THBS4: variants seen among roughly 807,000 people sequenced by gnomAD.
THBS4 encodes thrombospondin-4.
THBS4 carries 90 observed loss-of-function variants against 115.7 expected under a neutral mutation model. The observed-to-expected ratio is 0.78, with a 90% CI of 0.66 to 0.93. THBS4 has a LOEUF of 0.93. Among genes scored for constraint, THBS4 ranks in the 40% least tolerant of loss-of-function variants. The pLI is 0.00. For missense variants in THBS4, 1,087 were observed against 1,232.7 expected (o/e 0.88, Z 1.77); for synonymous variants, 460 against 479.3 (o/e 0.96, Z 0.53).
chr5:80,037,488 T>C (rs1561302333), intron 1 of THBS4, among the ~76,000 whole-genome samples: 1 of 152,224 alleles, frequency 6.6e-6, no homozygotes, highest in Non-Finnish European at 1.5e-5. Context: ...GGTTGTGCTT[T>C]GATCCTGGCA....
chr5:80,054,251 C>A (rs1187575402), intron 2 of THBS4, among the ~76,000 whole-genome samples: 3 of 149,640 alleles, frequency 2.0e-5, no homozygotes, highest in African/African-American at 7.4e-5. Flanking sequence ...ATCCCCCAGG[C>A]TCAAGCAATC....
chr5:79,997,912 G>C (rs1831827680), intron 1 of THBS4, among the ~76,000 whole-genome samples: 1 of 152,184 alleles, frequency 6.6e-6, no homozygotes, highest in Non-Finnish European at 1.5e-5. Context: ...CAGAGAGGAA[G>C]TGTCAACAGA....
At chr5:80,036,213 A>G in intron 1 of THBS4, 5 of 985,130 alleles carry the variant, frequency 5.1e-6, no homozygotes, top group Non-Finnish European at 6.0e-6. Flanking sequence ...GTCTTTTTCA[A>G]TGAAATCAGT....
intron 9 of THBS4, 120 bp from the exon 10 acceptor site, chr5:80,067,853 G>A: frequency 8.6e-7 from 1 of 1,162,106 alleles, no homozygotes; most frequent in South Asian, 1.6e-5. Flanking sequence ...GCATGGATCT[G>A]ATGCCTGATT....
intron 8 of THBS4, among the ~76,000 whole-genome samples, chr5:80,064,626 G>A (rs536444646): frequency 6.6e-6 from 1 of 152,232 alleles, no homozygotes; most frequent in African/African-American, 2.4e-5. Context: ...AGCAACCTTG[G>A]GAGGTTGAGG....
At chr5:80,083,057 C>G (rs1429668163) in intron 21 of THBS4, 23 bp from the exon 22 acceptor site, 2 of 1,611,240 alleles carry the variant, frequency 1.2e-6, no homozygotes, top group Non-Finnish European at 1.7e-6. Context: ...TCGCTAACCT[C>G]CCTGTGCCCA....
chr5:80,017,173 G>A (rs1390115435), intron 2 of THBS4, among the ~76,000 whole-genome samples: 20 of 152,266 alleles, frequency 1.3e-4, no homozygotes, highest in African/African-American at 4.8e-4. Context: ...GGGCTTCCTG[G>A]TGGCAAAAGC....
At chr5:80,061,856 T>C (rs1833650405) in intron 8 of THBS4, 24 bp downstream of exon 8, 1 of 1,593,162 alleles carries the variant, frequency 6.3e-7, no homozygotes. Flanking sequence ...ATGGTTTCTA[T>C]TCATTTCTCA....
Position 80,055,938 on chromosome 5 carries a change from A to G in THBS4, c.446A>G (p.Gln149Arg), listed in dbSNP as rs759429718. The G allele has an allele frequency of 6.2e-7, 1 of 1,614,230 alleles. No individual in the cohort carries two copies. Among genetic ancestry groups the G allele is most frequent in the Non-Finnish European group, 8.5e-7 (1 of 1,180,030 alleles). The change falls in exon 3 of 22, where the codon CAG (glutamine) becomes CGG (arginine). Residue 149 changes from glutamine to arginine, a missense_variant. Coordinates refer to ENST00000350881, the MANE Select transcript of THBS4 (RefSeq NM_003248.6). ...GSLELYLDCI[Q>R]VDSVHNLPRA... ...CTAGAGCTCTACCTGGACTGCATCC[A>G]GGTGGATTCCGTTCACAATCTCCCC... is the stretch of plus-strand genomic sequence containing the variant.
rs1832679395 is a variant in THBS4, at chr5:80,035,384, G to C, written c.-154G>C. 3.4e-6 allele frequency: 1 copy of C among 290,182 alleles called. No individual in the cohort carries two copies. Among genetic ancestry groups the C allele is most frequent in the Non-Finnish European group, 5.8e-6 (1 of 171,046 alleles). The allele number at this position is 290,182 out of a possible 1,614,324, so 18.0% of individuals were successfully genotyped here. On this transcript the variant is annotated 5_prime_UTR_variant, in exon 1 of 22. Coordinates refer to ENST00000350881, the MANE Select transcript of THBS4 (RefSeq NM_003248.6). The surrounding 1 kb of genome is among the most constrained non-coding windows in gnomAD (Gnocchi z 4.6). ...CCCCAGCACCGCACGGCGGGGACGC[G>C]AGCGCGCCCCCGACGGCAGCCCGGA...
chr5:80,059,649 T>G, intron 6 of THBS4, 54 bp from the exon 7 acceptor site: 1 of 1,605,276 alleles, frequency 6.2e-7, no homozygotes. Flanking sequence ...TTGTTTTGCC[T>G]TCTGTATATC....
At chr5:80,010,666 G>C (rs775665501) in intron 2 of THBS4, among the ~76,000 whole-genome samples, 5 of 152,216 alleles carry the variant, frequency 3.3e-5, no homozygotes, top group Non-Finnish European at 7.3e-5. Flanking sequence ...GGTGCTCCAT[G>C]AATTATCACC....
chr5:80,024,552 A>G (rs934032660), intron 2 of THBS4, among the ~76,000 whole-genome samples: 4 of 152,186 alleles, frequency 2.6e-5, no homozygotes, highest in Non-Finnish European at 5.9e-5. Flanking sequence ...CACAGCTAGT[A>G]AGTGGCTGGG....
intron 2 of THBS4, among the ~76,000 whole-genome samples, chr5:80,013,259 C>T (rs1470429398): frequency 6.6e-6 from 1 of 152,134 alleles, no homozygotes; most frequent in Non-Finnish European, 1.5e-5. Context: ...CCTGCCTCAG[C>T]CTCCCAAGTA....
intron 2 of THBS4, among the ~76,000 whole-genome samples, chr5:80,000,305 A>G (rs1454096746): frequency 4.3e-4 from 65 of 152,322 alleles, no homozygotes; most frequent in Non-Finnish European, 1.2e-4. Flanking sequence ...TTACAAGAAC[A>G]GAACTTTTAT....
chr5:80,042,867 G>A (rs1274926867), intron 2 of THBS4, among the ~76,000 whole-genome samples: 1 of 152,130 alleles, frequency 6.6e-6, no homozygotes, highest in Non-Finnish European at 1.5e-5. Flanking sequence ...TCGGGAGGCT[G>A]AGGCAGGAGA....
At position 80,083,220 on chromosome 5, in the gene THBS4, C is replaced by T. The variant is rs1478985393; in HGVS notation, c.*79C>T. On this transcript the variant is annotated 3_prime_UTR_variant, in exon 22 of 22. Coordinates refer to ENST00000350881, the MANE Select transcript of THBS4 (RefSeq NM_003248.6). ...TAACTTCAATTTTCTTTAGCTTTTA[C>T]CAACCCAAATATATCAAAACGTTTT... is the stretch of plus-strand genomic sequence containing the variant. 9 of 1,291,226 alleles carry T rather than the reference C, an allele frequency of 7.0e-6. No individual in the cohort carries two copies. In the African/African-American group the frequency reaches 1.2e-4, roughly 17 times the overall value. 80.0% of individuals were successfully genotyped at this position (1,291,226 alleles called of 1,614,324 possible). A position where few individuals can be genotyped will look rare whatever the true frequency, so the allele number is the denominator to read the frequency against.
Position 80,077,046 on chromosome 5 carries a change from A to G in THBS4, c.2084A>G (p.Asn695Ser). ...LVPNPAQEDSNSDGVGDICES... is the reference protein window; with the variant it reads ...LVPNPAQEDSSSDGVGDICES... ...CCCAACCCAGCCCAGGAGGATAGCAACAGTAAGCAGGCTCAGCCCAGAGCT... is the reference window on the plus strand; with the variant it reads ...CCCAACCCAGCCCAGGAGGATAGCAGCAGTAAGCAGGCTCAGCCCAGAGCT... The change falls in exon 16 of 22, where the codon AAC becomes AGC. Residue 695 changes from asparagine (N) to serine (S), a missense_variant and splice_region_variant. Transcript: ENST00000350881. The G allele has an allele frequency of 3.1e-6, 5 of 1,600,202 alleles. No homozygotes were observed. Among genetic ancestry groups the G allele is most frequent in the Non-Finnish European group, 4.3e-6 (5 of 1,172,772 alleles).
chr5:80,012,638 T>C (rs1211886940), intron 2 of THBS4, among the ~76,000 whole-genome samples: 5 of 152,142 alleles, frequency 3.3e-5, no homozygotes, highest in African/African-American at 1.2e-4. Context: ...ACAGGCCCAC[T>C]CCAAGGCTCT....
Sources: gnomAD v4.1 joint callset for allele counts (sites outside exome capture counted in the v4.1 genomes callset) on GRCh38, gnomAD v4.1.1 for gene constraint, Gnocchi (gnomAD v3.1) non-coding constraint, MANE v1.5 for transcripts, NCBI Gene and HGNC (gene_info 2026-07-23, HGNC 2026-07-21) for gene names.